COL4A4: variants seen among roughly 807,000 people sequenced by gnomAD.
The protein encoded by COL4A4 is collagen type IV alpha 4 chain.
COL4A4 carries 105 observed loss-of-function variants against 192.9 expected under a neutral mutation model. That is an observed-to-expected ratio of 0.54 (90% CI 0.46 to 0.64). The LOEUF (loss-of-function observed/expected upper bound fraction) is 0.64, where lower values mean the gene tolerates loss of function less well. Among genes scored for constraint, COL4A4 ranks in the 30% least tolerant of loss-of-function variants. The pLI is 0.00. For missense variants in COL4A4, 1,967 were observed against 2,169.3 expected (o/e 0.91, Z 1.85); for synonymous variants, 762 against 769.9 (o/e 0.99, Z 0.17).
intron 1 of COL4A4, among the ~76,000 whole-genome samples, chr2:227,150,594 T>C (rs2063863828): frequency 6.6e-6 from 1 of 152,210 alleles, no homozygotes; most frequent in African/African-American, 2.4e-5. Flanking sequence ...GGGTAATTTA[T>C]AAAGAAAAGA....
rs570052772 is a variant in COL4A4 at position 227,071,502 on chromosome 2, C to T, written c.1987+6392G>A. Among the ~76,000 whole-genome samples the T allele has an allele frequency of 9.4e-4, 143 of 152,076 alleles. 3 individuals are homozygous for T. The South Asian group carries it at 0.026, about 27-fold the overall frequency. On this transcript the variant is annotated intron_variant, in intron 25 of 47. Transcript: ENST00000396625. ...CACTAGACAGATCTTCATGACAGAA[C>T]GTCAACAGAGAAACAATGGATGTAA...
At chr2:227,126,623 T>G (rs2062105563) in intron 4 of COL4A4, among the ~76,000 whole-genome samples, 1 of 152,252 alleles carries the variant, frequency 6.6e-6, no homozygotes, top group Non-Finnish European at 1.5e-5. Context: ...TTAGTGCGGT[T>G]TTTTTGTATT....
chr2:226,977,154 G>A, the COL4A4 span, among the ~76,000 whole-genome samples: 1 of 152,196 alleles, frequency 6.6e-6, no homozygotes, highest in African/African-American at 2.4e-5. Flanking sequence ...TGAGGAACTT[G>A]AGGCCCAGAG....
chr2:227,148,158 G>A (rs1488029640), intron 1 of COL4A4, among the ~76,000 whole-genome samples: 7 of 152,108 alleles, frequency 4.6e-5, no homozygotes, highest in Non-Finnish European at 7.4e-5. Context: ...CTGGGTATAT[G>A]CCCAAAATAA....
chr2:227,121,019 C>A lies in COL4A4; in HGVS notation c.322G>T (p.Asp108Tyr). Reference protein sequence around the residue: ...GPPGAAGDKGDKGPTGVPGFP... With the variant: ...GPPGAAGDKGYKGPTGVPGFP... ...CCACATAAGATGTGGCTTACCTTAT[C>A]TCCTTTGTCCCCTGCTGCTCCAGGA... Residue 108 changes from aspartate (D) to tyrosine (Y), a missense_variant, in exon 5 of 48, where the codon GAT (aspartate) becomes TAT (tyrosine). Asp to Tyr is a radical substitution (Grantham distance 160). Transcript: ENST00000396625. 6.2e-7 allele frequency: 1 copy of A among 1,614,132 alleles called. No individual in the cohort carries two copies. Among genetic ancestry groups the A allele is most frequent in the Non-Finnish European group, 8.5e-7 (1 of 1,180,004 alleles).
the COL4A4 span, among the ~76,000 whole-genome samples, chr2:226,995,107 A>T: frequency 6.6e-6 from 1 of 152,172 alleles, no homozygotes; most frequent in Admixed American, 6.5e-5. Context: ...ATAAAAAAAA[A>T]AAGACAATAA....
At chr2:227,128,319 G>T (rs896840333) in intron 4 of COL4A4, among the ~76,000 whole-genome samples, 1 of 152,222 alleles carries the variant, frequency 6.6e-6, no homozygotes, top group Non-Finnish European at 1.5e-5. Context: ...CTTAAAAACA[G>T]TCTATCCAGA....
At chr2:227,000,528 GGAT>G (rs369434085), downstream of COL4A4, among the ~76,000 whole-genome samples, 1 of 152,152 alleles carries the variant, frequency 6.6e-6, no homozygotes, top group African/African-American at 2.4e-5. Context: ...TAATCACTGA[GGAT>G]GCAAGCTACC....
chr2:227,037,978 G>C (rs1164834109), intron 37 of COL4A4, among the ~76,000 whole-genome samples: 1 of 151,890 alleles, frequency 6.6e-6, no homozygotes, highest in African/African-American at 2.4e-5. Context: ...TAGATTGTCA[G>C]ATGGATAGAT....
In COL4A4 at chr2:227,005,080, G is replaced by A. The variant is rs1027487793; in HGVS notation, c.*2245C>T. ...CCTTTAAAATACTTTTGTAAAATTA[G>A]AGGGCAGTGTTAATGCTGCATTTAG... On this transcript the variant is annotated 3_prime_UTR_variant, in exon 48 of 48. Coordinates refer to ENST00000396625, the MANE Select transcript of COL4A4 (RefSeq NM_000092.5). 6.6e-6 allele frequency: 1 copy of A among 152,096 alleles called. No homozygotes were observed. Among genetic ancestry groups the A allele is most frequent in the Non-Finnish European group, 1.5e-5 (1 of 68,022 alleles). 9.4% of individuals were successfully genotyped at this position (152,096 alleles called of 1,614,324 possible). A position where few individuals can be genotyped will look rare whatever the true frequency, so the allele number is the denominator to read the frequency against.
rs1351801782 is a variant in COL4A4, at chr2:227,089,637, C to T, written c.1459+231G>A. Among the ~76,000 whole-genome samples the T allele has an allele frequency of 4.8e-3, 529 of 109,504 alleles. 6 individuals carry two copies. The highest frequency in any genetic ancestry group is 0.012 in the Middle Eastern group (2 of 170). 71.8% of individuals were successfully genotyped at this position (109,504 alleles called of 152,430 possible). A position where few individuals can be genotyped will look rare whatever the true frequency, so the allele number is the denominator to read the frequency against. On this transcript the variant is annotated intron_variant, in intron 21 of 47. Coordinates refer to ENST00000396625, the MANE Select transcript of COL4A4 (RefSeq NM_000092.5). Reference sequence around the variant, plus strand: ...TACATATATATAAATATATAAGACACAAGGCTTTGACTTTTATAATATATA... The same window carrying T: ...TACATATATATAAATATATAAGACATAAGGCTTTGACTTTTATAATATATA...
chr2:227,013,002 A>G (rs1964121126), intron 44 of COL4A4, among the ~76,000 whole-genome samples: 1 of 152,200 alleles, frequency 6.6e-6, no homozygotes, highest in African/African-American at 2.4e-5. Context: ...TGCAGAGGCC[A>G]TCAACCACCA....
downstream of COL4A4, among the ~76,000 whole-genome samples, chr2:227,000,945 C>T (rs1360787913): frequency 1.3e-5 from 2 of 152,112 alleles, no homozygotes; most frequent in Non-Finnish European, 2.9e-5. Flanking sequence ...TTCACCTTCG[C>T]CATGATTGTG....
intron 20 of COL4A4, among the ~76,000 whole-genome samples, chr2:227,090,231 A>G (rs1195410483): frequency 6.6e-6 from 1 of 152,176 alleles, no homozygotes; most frequent in Non-Finnish European, 1.5e-5. Context: ...GGGTTGCAAA[A>G]CAAGATAATG....
At chr2:227,069,938 C>T (rs1369840450) in intron 25 of COL4A4, among the ~76,000 whole-genome samples, 2 of 151,364 alleles carry the variant, frequency 1.3e-5, no homozygotes, top group South Asian at 2.1e-4. Flanking sequence ...AGGCAACCTA[C>T]AAAATGGGAG....
intron 37 of COL4A4, among the ~76,000 whole-genome samples, chr2:227,035,522 C>T (rs933689455): frequency 2.1e-5 from 3 of 144,344 alleles, no homozygotes; most frequent in South Asian, 4.4e-4. Context: ...GCCATATTCT[C>T]GTGCACCAAA....
rs1354869202 is a variant in COL4A4 at position 227,073,693 on chromosome 2, TA to T, written c.1987+4200del. ...AAACAGCATGGTACTGTTGTAAAAG[TA>T]GGCACATACACCAATGGAACAGCAC... On this transcript the variant is annotated intron_variant, in intron 25 of 47. Transcript: ENST00000396625. Among the ~76,000 whole-genome samples, 3 of 152,074 alleles carry T rather than the reference TA, an allele frequency of 2.0e-5. No individual in the cohort carries two copies. The East Asian group carries it at 5.8e-4, about 29-fold the overall frequency.
intron 43 of COL4A4, among the ~76,000 whole-genome samples, chr2:227,023,449 AAAAAAAG>A (rs1966407124): frequency 6.6e-6 from 1 of 151,840 alleles, no homozygotes; most frequent in African/African-American, 2.4e-5. Flanking sequence ...CTCAAAAAAA[AAAAAAAG>A]AAAAAAGAAA....
chr2:227,116,980 G>A (rs967208691), intron 7 of COL4A4, among the ~76,000 whole-genome samples: 1 of 152,194 alleles, frequency 6.6e-6, no homozygotes, highest in Non-Finnish European at 1.5e-5. Flanking sequence ...GGTTCTCAAT[G>A]CTTCAAATTA....
Sources: allele counts gnomAD v4.1 joint callset (sites outside exome capture counted in the v4.1 genomes callset), GRCh38; gene constraint gnomAD v4.1.1; transcripts MANE v1.5; gene names NCBI Gene and HGNC (gene_info 2026-07-23, HGNC 2026-07-21).